Variants in RAPGEF6 observed in about 807,000 individuals in gnomAD.
RAPGEF6 encodes the protein PDZ domain containing guanine nucleotide exchange factor (GEF) 2.
A neutral mutation model predicts 171.4 loss-of-function variants in RAPGEF6; 56 were observed. The ratio of observed to expected loss-of-function variants is 0.33; its 90% CI spans 0.26 to 0.41. The LOEUF (loss-of-function observed/expected upper bound fraction) is 0.41, where lower values mean the gene tolerates loss of function less well. RAPGEF6 is among the 10% of genes least tolerant of loss of function. The probability of loss-of-function intolerance (pLI) is 1.00; values close to 1 mark genes in which losing one functional copy is unlikely to be tolerated. For missense variants in RAPGEF6, 1,674 were observed against 1,921.4 expected (o/e 0.87, Z 2.41); for synonymous variants, 692 against 650.1 (o/e 1.06, Z -0.98).
rs965385380 is a variant in RAPGEF6, at chr5:131,504,174, A to G, written c.1254+452T>C. ...TTCATCATTAAAATGTGTAAAAACCATCTTAGAGATCAGGCATGGTGGCTC... is the reference window on the plus strand; with the variant it reads ...TTCATCATTAAAATGTGTAAAAACCGTCTTAGAGATCAGGCATGGTGGCTC... On this transcript the variant is annotated intron_variant, in intron 11 of 27. Transcript: ENST00000509018. 7.2e-5 allele frequency among the ~76,000 whole-genome samples: 11 copies of G among 152,168 alleles called. 1 individual carries two copies. The highest frequency in any genetic ancestry group is 5.9e-4 in the Admixed American group (9 of 15,286).
intron 21 of RAPGEF6, chr5:131,446,970 T>C: frequency 2.7e-6 from 1 of 374,858 alleles, no homozygotes. Flanking sequence ...TTTGTGCCTA[T>C]GCAACCTATG....
At chr5:131,473,058 T>G (rs1754859340) in intron 16 of RAPGEF6, 1 of 267,824 alleles carries the variant, frequency 3.7e-6, no homozygotes, top group Non-Finnish European at 7.2e-6. Context: ...CCTTCAAATT[T>G]GCCAGTTTTA....
chr5:131,580,563 C>T (rs1048273639), intron 4 of RAPGEF6, among the ~76,000 whole-genome samples: 5 of 152,182 alleles, frequency 3.3e-5, no homozygotes, highest in Admixed American at 2.0e-4. Flanking sequence ...GAGAGGGCCG[C>T]CAGCACGTTG....
At chr5:131,599,205 T>C (rs1214467157) in intron 3 of RAPGEF6, among the ~76,000 whole-genome samples, 1 of 152,124 alleles carries the variant, frequency 6.6e-6, no homozygotes, top group Non-Finnish European at 1.5e-5. Context: ...TCCACGCCTG[T>C]GGTCCCAGCT....
Position 131,635,204 on chromosome 5 carries a change from A to C in RAPGEF6, c.-174T>G. The stretch of plus-strand genomic sequence containing the variant: ...CAACGCCCGCCTAAGGCCTCTACCC[A>C]CGCGCGACTGGCCGGAGACAAGTCT... On this transcript the variant is annotated 5_prime_UTR_variant, in exon 1 of 28. Coordinates refer to ENST00000509018, the MANE Select transcript of RAPGEF6 (RefSeq NM_016340.6). The C allele has an allele frequency of 1.6e-6, 1 of 621,658 alleles. No individual in the cohort carries two copies. Among genetic ancestry groups the C allele is most frequent in the Non-Finnish European group, 2.7e-6 (1 of 374,674 alleles). The allele number at this position is 621,658 out of a possible 1,614,324, so 38.5% of individuals were successfully genotyped here. A position where few individuals can be genotyped will look rare whatever the true frequency, so the allele number is the denominator to read the frequency against.
intron 4 of RAPGEF6, among the ~76,000 whole-genome samples, chr5:131,577,687 C>T (rs949625997): frequency 1.3e-4 from 20 of 152,164 alleles, no homozygotes; most frequent in Non-Finnish European, 5.9e-5. Context: ...ACCCTAACTG[C>T]CGTCCGCCTG....
chr5:131,487,120 A>T lies in RAPGEF6; in HGVS notation c.1840+2426T>A, dbSNP rs988262259. ...CACGGTTGAGTGTTACAGCTCTTAA[A>T]GATGGTGTGTCTGGAGTTTGTTCCT... is the stretch of plus-strand genomic sequence containing the variant. On this transcript the variant is annotated intron_variant, in intron 15 of 27. Coordinates refer to ENST00000509018, the MANE Select transcript of RAPGEF6 (RefSeq NM_016340.6). Among the ~76,000 whole-genome samples the T allele has an allele frequency of 2.0e-5, 3 of 152,126 alleles. No homozygotes were observed. In the South Asian group the frequency reaches 6.2e-4, roughly 32 times the overall value.
intron 3 of RAPGEF6, among the ~76,000 whole-genome samples, chr5:131,597,462 A>G (rs1395455067): frequency 2.0e-5 from 3 of 152,222 alleles, no homozygotes; most frequent in Admixed American, 6.5e-5. Context: ...AGTGTCCAAC[A>G]ATGAATGAAC....
chr5:131,498,316 A>T (rs1467368692), intron 12 of RAPGEF6, 127 bp downstream of exon 12: 2 of 829,610 alleles, frequency 2.4e-6, no homozygotes, highest in Non-Finnish European at 3.7e-6. Context: ...CTGATGGTTC[A>T]GGTTCATTAA....
chr5:131,479,154 A>C (rs1197565820), intron 16 of RAPGEF6, among the ~76,000 whole-genome samples: 2 of 152,176 alleles, frequency 1.3e-5, no homozygotes, highest in Non-Finnish European at 2.9e-5. Context: ...ATGGTGCTGC[A>C]AAGGAAAAAT....
chr5:131,498,046 A>C (rs1308209095), intron 12 of RAPGEF6, among the ~76,000 whole-genome samples: 2 of 152,226 alleles, frequency 1.3e-5, no homozygotes, highest in Non-Finnish European at 2.9e-5. Flanking sequence ...TCCCATTTTG[A>C]AGCTTAAAAG....
At chr5:131,555,002 A>T (rs1379527111) in intron 5 of RAPGEF6, among the ~76,000 whole-genome samples, 1 of 152,218 alleles carries the variant, frequency 6.6e-6, no homozygotes, top group Non-Finnish European at 1.5e-5. Flanking sequence ...GTAAATTCAA[A>T]CCTATCAGCA....
In RAPGEF6 at chr5:131,439,656, T is replaced by C. The variant is rs1324450870; in HGVS notation, c.3670A>G (p.Thr1224Ala). ...TTEEISGKKH[T>A]EDTISVASSL... ...GACGCCACAGAAATAGTGTCTTCTG[T>C]ATGCTTCTTACCACTTATTTCTTCA... Residue 1224 changes from threonine (T) to alanine (A), a missense_variant, in exon 24 of 28, where the codon ACA becomes GCA. This residue lies in a region of RAPGEF6 where 552 missense variants were observed against 574.2 expected (regional missense o/e 0.96). Coordinates refer to ENST00000509018, the MANE Select transcript of RAPGEF6 (RefSeq NM_016340.6). 4 of 1,612,674 alleles carry C rather than the reference T, an allele frequency of 2.5e-6. No individual in the cohort carries two copies. The highest frequency in any genetic ancestry group is 3.4e-6 in the Non-Finnish European group (4 of 1,179,438).
At chr5:131,497,790 G>A (rs185308647) in intron 12 of RAPGEF6, among the ~76,000 whole-genome samples, 68 of 152,260 alleles carry the variant, frequency 4.5e-4, no homozygotes, top group African/African-American at 1.6e-3. Flanking sequence ...AGACAATTAT[G>A]ATCCTACTTT....
intron 24 of RAPGEF6, chr5:131,436,037 T>C: frequency 6.5e-7 from 1 of 1,537,138 alleles, no homozygotes; most frequent in East Asian, 2.4e-5. Flanking sequence ...GAATTGAAGA[T>C]GGCACTCCCT....
rs1447278166 is a variant in RAPGEF6 at position 131,533,703 on chromosome 5, C to A, written c.496-12182G>T. On this transcript the variant is annotated intron_variant, in intron 6 of 27. Coordinates refer to ENST00000509018, the MANE Select transcript of RAPGEF6 (RefSeq NM_016340.6). ...TGTACACCAATAGTTGCAGCATGCA[C>A]CTACTTCTTTGAGAAAGAATAATCT... 5.9e-5 allele frequency among the ~76,000 whole-genome samples: 9 copies of A among 151,796 alleles called. No homozygotes were observed. In the East Asian group the frequency reaches 1.2e-3, roughly 20 times the overall value.
At chr5:131,468,552 G>C (rs1754533347) in intron 17 of RAPGEF6, among the ~76,000 whole-genome samples, 1 of 97,562 alleles carries the variant, frequency 1.0e-5, no homozygotes, top group Non-Finnish European at 2.2e-5. Context: ...CACTAAAAAT[G>C]GGAGAACTTT....
chr5:131,454,034 G>A (rs1178267990), intron 20 of RAPGEF6, among the ~76,000 whole-genome samples: 3 of 152,178 alleles, frequency 2.0e-5, no homozygotes, highest in Non-Finnish European at 4.4e-5. Context: ...AGCAAGTTTT[G>A]CATTTCCCAG....
At chr5:131,474,785 T>TA (rs909882902) in intron 16 of RAPGEF6, among the ~76,000 whole-genome samples, 2 of 152,104 alleles carry the variant, frequency 1.3e-5, no homozygotes, top group South Asian at 2.1e-4. Flanking sequence ...AAAGATTTTT[T>TA]AAAAAAACAG....
Sources: allele counts gnomAD v4.1 joint callset (sites outside exome capture counted in the v4.1 genomes callset), GRCh38; gene constraint gnomAD v4.1.1; regional missense constraint gnomAD v4.1.1; transcripts MANE v1.5; gene names NCBI Gene and HGNC (gene_info 2026-07-23, HGNC 2026-07-21).